Variants in C13orf42 observed in about 807,000 individuals in gnomAD.
The protein encoded by C13orf42 is uncharacterized protein C13orf42.
At chr13:51,107,207 C>T (rs1021528793) in intron 1 of C13orf42, among the ~76,000 whole-genome samples, 3 of 152,188 alleles carry the variant, frequency 2.0e-5, no homozygotes, top group African/African-American at 7.2e-5. Context: ...ATGCCATTCA[C>T]ATGTCAATGG....
intron 1 of C13orf42, among the ~76,000 whole-genome samples, chr13:51,170,889 C>T (rs1313411552): frequency 2.0e-5 from 3 of 152,106 alleles, no homozygotes; most frequent in African/African-American, 4.8e-5. Flanking sequence ...TTCTCCTTCA[C>T]CCTTAGTGGC....
chr13:51,157,939 G>C (rs1381372416), intron 1 of C13orf42, among the ~76,000 whole-genome samples: 1 of 152,176 alleles, frequency 6.6e-6, no homozygotes, highest in South Asian at 2.1e-4. Context: ...GCCTTAAAGT[G>C]AGTTTAGGAC....
At chr13:51,135,793 A>T (rs1953653549) in intron 1 of C13orf42, among the ~76,000 whole-genome samples, 1 of 152,088 alleles carries the variant, frequency 6.6e-6, no homozygotes, top group Admixed American at 6.5e-5. Context: ...ATCTGCCTTC[A>T]TCTCCTACCC....
At chr13:51,110,651 C>T in intron 1 of C13orf42, 145 bp downstream of exon 1, 1 of 396,250 alleles carries the variant, frequency 2.5e-6, no homozygotes, top group Non-Finnish European at 4.4e-6. Context: ...GATATGGCCG[C>T]ATAAAGCATC....
intron 2 of C13orf42, 114 bp downstream of exon 2, chr13:51,087,814 G>A (rs1000394637): frequency 4.0e-5 from 16 of 396,466 alleles, no homozygotes; most frequent in Non-Finnish European, 6.2e-5. Context: ...AGGGAGGTGG[G>A]ATTCCTGATG....
intron 1 of C13orf42, among the ~76,000 whole-genome samples, chr13:51,164,009 G>A (rs1953886407): frequency 6.6e-6 from 1 of 152,162 alleles, no homozygotes; most frequent in Non-Finnish European, 1.5e-5. Context: ...GGACAGAAAA[G>A]CGTTGAAAGA....
chr13:51,154,328 G>A (rs570460312), intron 1 of C13orf42, among the ~76,000 whole-genome samples: 7 of 152,280 alleles, frequency 4.6e-5, no homozygotes, highest in Admixed American at 2.0e-4. Context: ...CCCTGCTTTC[G>A]ATTCTGTTGG....
intron 1 of C13orf42, among the ~76,000 whole-genome samples, chr13:51,169,260 GACA>G (rs1255349739): frequency 6.6e-6 from 1 of 152,172 alleles, no homozygotes; most frequent in Admixed American, 6.5e-5. Flanking sequence ...CAGTGCTATG[GACA>G]ACGAAATCCA....
At chr13:51,143,211 T>C (rs1953709014) in intron 1 of C13orf42, among the ~76,000 whole-genome samples, 4 of 152,114 alleles carry the variant, frequency 2.6e-5, no homozygotes, top group Admixed American at 2.0e-4. Context: ...AAGATGCTAA[T>C]CAAAATAAGC....
At chr13:51,097,754 T>C (rs1279725771) in intron 1 of C13orf42, among the ~76,000 whole-genome samples, 1 of 152,172 alleles carries the variant, frequency 6.6e-6, no homozygotes, top group Non-Finnish European at 1.5e-5. Flanking sequence ...CTTGATTTTT[T>C]TTTTTTTCCT....
intron 1 of C13orf42, among the ~76,000 whole-genome samples, chr13:51,152,849 A>G (rs1411939588): frequency 6.6e-6 from 1 of 152,036 alleles, no homozygotes; most frequent in African/African-American, 2.4e-5. Flanking sequence ...TAGTGACTCA[A>G]TCCCTCCAGC....
At chr13:51,110,521 CT>C (rs1412228392) in intron 1 of C13orf42, among the ~76,000 whole-genome samples, 5 of 152,274 alleles carry the variant, frequency 3.3e-5, no homozygotes, top group Admixed American at 6.5e-5. Context: ...ACACCAAACC[CT>C]TGTGACACAC....
At chr13:51,165,345 A>C (rs1953895288) in intron 1 of C13orf42, among the ~76,000 whole-genome samples, 1 of 152,188 alleles carries the variant, frequency 6.6e-6, no homozygotes. Flanking sequence ...CAGATACTGC[A>C]TTATCTATTG....
intron 1 of C13orf42, among the ~76,000 whole-genome samples, chr13:51,100,346 A>G (rs889126597): frequency 3.3e-5 from 5 of 152,202 alleles, no homozygotes; most frequent in Non-Finnish European, 5.9e-5. Flanking sequence ...ATAAATGAAA[A>G]GAGGTATAAT....
At chr13:51,084,505 G>A (rs535887170) in intron 3 of C13orf42, among the ~76,000 whole-genome samples, 180 bp from the exon 4 acceptor site, 1 of 152,352 alleles carries the variant, frequency 6.6e-6, no homozygotes, top group African/African-American at 2.4e-5. Context: ...GCTGGACCTT[G>A]GCCTGGCCTT....
chr13:51,161,828 G>T (rs1953866989), intron 1 of C13orf42: 3 of 402,382 alleles, frequency 7.5e-6, no homozygotes, highest in South Asian at 2.2e-5. Flanking sequence ...GAGGGATAGA[G>T]AAACCTCCAT....
chr13:51,089,457 C>T (rs1039514536), intron 1 of C13orf42, among the ~76,000 whole-genome samples: 5 of 152,044 alleles, frequency 3.3e-5, no homozygotes, highest in South Asian at 2.1e-4. Flanking sequence ...TTCCTCCTTG[C>T]TGTTCTCATG....
chr13:51,085,206 TATATG>T, intron 3 of C13orf42, 108 bp downstream of exon 3: 1 of 231,012 alleles, frequency 4.3e-6, no homozygotes, highest in Non-Finnish European at 7.8e-6. Context: ...TATATATATA[TATATG>T]AATAATATTT....
chr13:51,153,098 G>A (rs927423451), intron 1 of C13orf42, among the ~76,000 whole-genome samples: 17 of 152,330 alleles, frequency 1.1e-4, no homozygotes, highest in East Asian at 5.8e-4. Context: ...CTTAATGATT[G>A]TATCTTTGAA....
Sources: gnomAD v4.1 joint callset for allele counts (sites outside exome capture counted in the v4.1 genomes callset) on GRCh38, gnomAD v4.1.1 for gene constraint, MANE v1.5 for transcripts, NCBI Gene and HGNC (gene_info 2026-07-23, HGNC 2026-07-21) for gene names.